PHLDB2: variants seen among roughly 807,000 people sequenced by gnomAD.
PHLDB2 encodes the protein pleckstrin homology-like domain family B member 2.
PHLDB2 carries 71 observed loss-of-function variants against 123.6 expected under a neutral mutation model. That is an observed-to-expected ratio of 0.57 (90% confidence interval 0.47 to 0.70). The LOEUF (loss-of-function observed/expected upper bound fraction) is 0.70, where lower values mean the gene tolerates loss of function less well. Among genes scored for constraint, PHLDB2 ranks in the 30% least tolerant of loss-of-function variants. The probability of loss-of-function intolerance (pLI) is 0.00; values close to 1 mark genes in which losing one functional copy is unlikely to be tolerated. For synonymous variants in PHLDB2, 547 were observed against 541.6 expected (o/e 1.01, Z -0.14); for missense variants, 1,446 against 1,519.5 (o/e 0.95, Z 0.80).
chr3:111,962,280 C>A lies in PHLDB2; in HGVS notation c.3045C>A (p.Ser1015Arg), dbSNP rs968133987. ...SLDSSDSMET[S>R]ISACSPDNIS... is the part of the protein sequence containing the mutation. ...ATAGCTCTGATAGCATGGAGACCAG[C>A]ATCTCTGCTTGCTCACCAGACAACA... Residue 1015 changes from serine (S) to arginine (R), a missense_variant, in exon 13 of 18, where the codon AGC (serine) becomes AGA (arginine). Physicochemically the swap from Ser to Arg is moderately radical, Grantham distance 110. Coordinates refer to ENST00000431670, the MANE Select transcript of PHLDB2 (RefSeq NM_001134438.2). The A allele has an allele frequency of 2.5e-6, 4 of 1,584,982 alleles. No individual in the cohort carries two copies. In the African/African-American group the frequency reaches 5.5e-5, roughly 22 times the overall value.
intron 5 of PHLDB2, among the ~76,000 whole-genome samples, chr3:111,928,262 G>A (rs532929900): frequency 2.0e-5 from 3 of 152,272 alleles, no homozygotes; most frequent in Admixed American, 6.5e-5. Context: ...AAAGGCATTA[G>A]GACCAAATAT....
chr3:111,901,441 A>G (rs1156842029), intron 2 of PHLDB2, among the ~76,000 whole-genome samples: 1 of 151,526 alleles, frequency 6.6e-6, no homozygotes, highest in Non-Finnish European at 1.5e-5. Context: ...TTCAGTTGTT[A>G]TGTTATAGTC....
At chr3:111,798,500 A>C (rs971875672) in intron 1 of PHLDB2, among the ~76,000 whole-genome samples, 12 of 152,062 alleles carry the variant, frequency 7.9e-5, no homozygotes, top group Non-Finnish European at 1.2e-4. Flanking sequence ...ACTGCAATGA[A>C]ATTATTAAAG....
intron 1 of PHLDB2, among the ~76,000 whole-genome samples, chr3:111,741,586 T>A (rs1486153168): frequency 6.6e-6 from 1 of 152,072 alleles, no homozygotes; most frequent in Non-Finnish European, 1.5e-5. Flanking sequence ...GGAAAGAATT[T>A]TAATATGAGA....
chr3:111,894,404 A>G (rs904883130), intron 2 of PHLDB2, among the ~76,000 whole-genome samples: 14 of 151,840 alleles, frequency 9.2e-5, no homozygotes, highest in African/African-American at 3.1e-4. Context: ...AGCATGATTT[A>G]TAGTCCTTTG....
chr3:111,876,193 A>G (rs549581379), intron 1 of PHLDB2, among the ~76,000 whole-genome samples: 3 of 152,250 alleles, frequency 2.0e-5, no homozygotes, highest in South Asian at 2.1e-4. Flanking sequence ...GACAGTGTTG[A>G]TAGGATTTAT....
At position 111,834,358 on chromosome 3, in the gene PHLDB2, CTATA is replaced by C. The variant is rs747376699; in HGVS notation, c.-48-11456_-48-11453del. Among the ~76,000 whole-genome samples the C allele has an allele frequency of 1.3e-4, 18 of 138,908 alleles. No homozygotes were observed. In the East Asian group the frequency reaches 3.4e-3, roughly 26 times the overall value. The allele number at this position is 138,908 out of a possible 152,430, so 91.1% of individuals were successfully genotyped here. ...TATATATAATATATATATCAGATGA[CTATA>C]TATATAGTCATCTGATTTTTATATA... On this transcript the variant is annotated intron_variant, in intron 1 of 17. Transcript: ENST00000393923.
In PHLDB2 at chr3:111,779,384, T is replaced by C. The variant is rs1249840981; in HGVS notation, c.-49+46681T>C. 2.0e-5 allele frequency among the ~76,000 whole-genome samples: 3 copies of C among 152,062 alleles called. No individual in the cohort carries two copies. The East Asian group carries it at 5.8e-4, about 29-fold the overall frequency. ...ACTAAGCGTAGTACCCAATAGATAGTTTTTCAGCCCTTGCCCCCCTCCTCC... is the reference window on the plus strand; with the variant it reads ...ACTAAGCGTAGTACCCAATAGATAGCTTTTCAGCCCTTGCCCCCCTCCTCC... On this transcript the variant is annotated intron_variant, in intron 1 of 17. Coordinates refer to the PHLDB2 transcript ENST00000393923.
At chr3:111,885,575 A>G (rs1447161793) in intron 2 of PHLDB2, 163 bp downstream of exon 2, 11 of 940,162 alleles carry the variant, frequency 1.2e-5, no homozygotes, top group East Asian at 2.6e-5. Context: ...TCTTCTTCCC[A>G]TATCACTATT....
chr3:111,788,653 A>G (rs2060789801), intron 1 of PHLDB2, among the ~76,000 whole-genome samples: 1 of 152,228 alleles, frequency 6.6e-6, no homozygotes, highest in Admixed American at 6.5e-5. Flanking sequence ...AAGCTTGTCC[A>G]ACCTGAAGCC....
intron 1 of PHLDB2, among the ~76,000 whole-genome samples, chr3:111,739,373 G>A (rs1326727920): frequency 1.3e-5 from 2 of 152,060 alleles, no homozygotes; most frequent in Non-Finnish European, 2.9e-5. Flanking sequence ...ACTAATGCAA[G>A]CTCCAGCAGG....
intron 1 of PHLDB2, among the ~76,000 whole-genome samples, chr3:111,774,422 G>T (rs909622418): frequency 6.6e-6 from 1 of 152,220 alleles, no homozygotes; most frequent in East Asian, 1.9e-4. Flanking sequence ...TCTCCTGGAA[G>T]TTAATGGAGA....
At chr3:111,843,792 T>C (rs1453259291) in intron 1 of PHLDB2, among the ~76,000 whole-genome samples, 1 of 152,238 alleles carries the variant, frequency 6.6e-6, no homozygotes, top group Non-Finnish European at 1.5e-5. Flanking sequence ...GGGCTCTCAT[T>C]TCACTTTTTT....
At chr3:111,920,945 A>G (rs958674554) in intron 5 of PHLDB2, among the ~76,000 whole-genome samples, 5 of 152,194 alleles carry the variant, frequency 3.3e-5, no homozygotes, top group Admixed American at 6.5e-5. Context: ...TGACAAATGT[A>G]TTGGAGTTTC....
chr3:111,811,768 C>G (rs903027735), intron 1 of PHLDB2, among the ~76,000 whole-genome samples: 8 of 152,122 alleles, frequency 5.3e-5, no homozygotes, highest in African/African-American at 1.9e-4. Flanking sequence ...GCCTACATTC[C>G]TGACCTATCT....
At chr3:111,742,899 G>A (rs990791408) in intron 1 of PHLDB2, among the ~76,000 whole-genome samples, 3 of 152,188 alleles carry the variant, frequency 2.0e-5, no homozygotes, top group African/African-American at 7.2e-5. Flanking sequence ...TATAGATTCA[G>A]AGATGAGTAG....
At chr3:111,912,690 G>T (rs534917512) in intron 2 of PHLDB2, among the ~76,000 whole-genome samples, 3 of 152,210 alleles carry the variant, frequency 2.0e-5, no homozygotes, top group Non-Finnish European at 4.4e-5. Flanking sequence ...CTAACAGTAG[G>T]ATAATATTTA....
chr3:111,869,740 CATT>C (rs1216968094), intron 1 of PHLDB2, among the ~76,000 whole-genome samples: 1 of 152,066 alleles, frequency 6.6e-6, no homozygotes, highest in Non-Finnish European at 1.5e-5. Context: ...TGTCTACACA[CATT>C]AGGATTTACA....
At chr3:111,929,491 A>G (rs1413134663) in intron 5 of PHLDB2, among the ~76,000 whole-genome samples, 6 of 152,222 alleles carry the variant, frequency 3.9e-5, no homozygotes, top group African/African-American at 7.2e-5. Flanking sequence ...TCTATTTTAC[A>G]TTCACTGTAG....
Sources: allele counts gnomAD v4.1 joint callset (sites outside exome capture counted in the v4.1 genomes callset), GRCh38; gene constraint gnomAD v4.1.1; transcripts MANE v1.5; gene names NCBI Gene and HGNC (gene_info 2026-07-23, HGNC 2026-07-21).